CEP120: variants seen among roughly 807,000 people sequenced by gnomAD.
The protein encoded by CEP120 is centrosomal protein 120.
A neutral mutation model predicts 126.5 loss-of-function variants in CEP120; 113 were observed. The observed-to-expected ratio is 0.89, with a 90% CI of 0.77 to 1.04. The LOEUF (loss-of-function observed/expected upper bound fraction) is 1.04, where lower values mean the gene tolerates loss of function less well. CEP120 is among the 50% of genes least tolerant of loss of function. The pLI, the probability that CEP120 is intolerant of heterozygous loss-of-function variation, is 0.00. For synonymous variants in CEP120, 400 were observed against 394.3 expected, an observed-to-expected ratio of 1.01 and a Z score of -0.17; for missense variants, 1,230 against 1,155.7, an observed-to-expected ratio of 1.06 and a Z score of -0.93.
At chr5:123,347,050 T>C (rs757931363) in intron 19 of CEP120, among the ~76,000 whole-genome samples, 5 of 152,150 alleles carry the variant, frequency 3.3e-5, no homozygotes, top group Non-Finnish European at 5.9e-5. Context: ...ACAATAAAAA[T>C]CATCTGTAAT....
chr5:123,395,112 A>G (rs1772686628), intron 5 of CEP120, among the ~76,000 whole-genome samples: 1 of 152,240 alleles, frequency 6.6e-6, no homozygotes, highest in African/African-American at 2.4e-5. Flanking sequence ...TACAGCAATA[A>G]AAACATTAAG....
At chr5:123,419,544 A>G (rs1367194057) in intron 1 of CEP120, among the ~76,000 whole-genome samples, 3 of 119,408 alleles carry the variant, frequency 2.5e-5, no homozygotes, top group Admixed American at 1.7e-4. Context: ...AAAAAAACAA[A>G]AACAAAAACA....
chr5:123,357,634 C>A (rs1172575951), intron 18 of CEP120, among the ~76,000 whole-genome samples: 1 of 152,088 alleles, frequency 6.6e-6, no homozygotes, highest in Non-Finnish European at 1.5e-5. Context: ...TGGTGACGTG[C>A]ACCTGTAGTC....
Position 123,393,508 on chromosome 5 carries a change from C to G in CEP120, c.613-11G>C, listed in dbSNP as rs1772543143. On this transcript the variant is annotated splice_polypyrimidine_tract_variant and intron_variant, in intron 5 of 19. Transcript: ENST00000306467. ...GGTACATGGAATTAACTAAACATTT[C>G]AGGAAAAAGAAAACAGTTATTACTT... 1 of 1,607,834 alleles carries G rather than the reference C, an allele frequency of 6.2e-7. No homozygotes were observed. Among genetic ancestry groups the G allele is most frequent in the Admixed American group, 1.7e-5 (1 of 59,852 alleles).
intron 11 of CEP120, among the ~76,000 whole-genome samples, chr5:123,384,275 A>G (rs1771868991): frequency 7.4e-6 from 1 of 135,388 alleles, no homozygotes; most frequent in Admixed American, 7.6e-5. Context: ...TAGAGCTAAA[A>G]TTTCACTGAG....
At chr5:123,406,758 G>C (rs186784437) in intron 4 of CEP120, among the ~76,000 whole-genome samples, 1 of 149,818 alleles carries the variant, frequency 6.7e-6, no homozygotes, top group East Asian at 2.0e-4. Context: ...AATGGCATGG[G>C]TAAGAAGCTC....
At chr5:123,359,423 G>A (rs904325022) in intron 18 of CEP120, among the ~76,000 whole-genome samples, 20 of 151,996 alleles carry the variant, frequency 1.3e-4, no homozygotes, top group African/African-American at 3.4e-4. Flanking sequence ...GTCAAGAAAC[G>A]TTTTTAAGTA....
chr5:123,403,035 C>T (rs952126048), intron 4 of CEP120, among the ~76,000 whole-genome samples: 2 of 152,188 alleles, frequency 1.3e-5, no homozygotes, highest in African/African-American at 4.8e-5. Context: ...TAAATTTGTT[C>T]TTTATAAATT....
intron 2 of CEP120, among the ~76,000 whole-genome samples, chr5:123,418,083 G>A (rs547771190): frequency 6.6e-5 from 10 of 151,866 alleles, no homozygotes; most frequent in Non-Finnish European, 1.3e-4. Context: ...TGCCACAAAC[G>A]GAAAATTCCA....
intron 3 of CEP120, among the ~76,000 whole-genome samples, chr5:123,415,619 A>T (rs999662644): frequency 2.0e-5 from 3 of 152,208 alleles, no homozygotes; most frequent in Non-Finnish European, 4.4e-5. Flanking sequence ...CACACCTGTA[A>T]TCCCAGCACT....
intron 6 of CEP120, among the ~76,000 whole-genome samples, chr5:123,392,248 T>C (rs1281696627): frequency 1.3e-5 from 2 of 152,224 alleles, no homozygotes; most frequent in East Asian, 1.9e-4. Flanking sequence ...AGGACTGATA[T>C]GTTAGATACA....
chr5:123,362,516 C>T (rs1299642633), intron 18 of CEP120, among the ~76,000 whole-genome samples: 4 of 151,618 alleles, frequency 2.6e-5, no homozygotes, highest in African/African-American at 4.8e-5. Flanking sequence ...CGGTTTTTGC[C>T]GCTTTCACTT....
At chr5:123,419,938 T>C (rs1774616338) in intron 1 of CEP120, among the ~76,000 whole-genome samples, 1 of 152,194 alleles carries the variant, frequency 6.6e-6, no homozygotes, top group South Asian at 2.1e-4. Flanking sequence ...AGGTGGATCT[T>C]ATTGAGGGGA....
chr5:123,398,834 T>C (rs1772979143), intron 5 of CEP120, among the ~76,000 whole-genome samples: 1 of 152,176 alleles, frequency 6.6e-6, no homozygotes, highest in East Asian at 1.9e-4. Context: ...CGTTCACAAA[T>C]TTAAAAATCC....
chr5:123,422,332 A>C, intron 1 of CEP120: 1 of 615,080 alleles, frequency 1.6e-6, no homozygotes, highest in East Asian at 2.8e-5. Context: ...CATCCTGATG[A>C]ATTATTTGCT....
intron 17 of CEP120, among the ~76,000 whole-genome samples, chr5:123,366,505 C>T (rs776841568): frequency 2.7e-4 from 41 of 151,826 alleles, no homozygotes; most frequent in Non-Finnish European, 4.9e-4. Context: ...TCTTGATACA[C>T]CTACAATTCT....
Position 123,372,192 on chromosome 5 carries a change from C to T in CEP120, c.2481+458G>A, listed in dbSNP as rs147293306. 2.5e-3 allele frequency among the ~76,000 whole-genome samples: 384 copies of T among 152,112 alleles called. 4 individuals carry two copies. Among genetic ancestry groups the T allele is most frequent in the African/African-American group, 8.8e-3 (364 of 41,508 alleles). ...ACATTGAATCTACAGGGGTGATACA[C>T]GGAGAGAATATTCACAATGGCTACC... On this transcript the variant is annotated intron_variant, in intron 17 of 19. Coordinates refer to ENST00000306467, the MANE Select transcript of CEP120 (RefSeq NM_001375405.1).
At chr5:123,413,117 G>A (rs181017182) in intron 3 of CEP120, among the ~76,000 whole-genome samples, 53 of 151,374 alleles carry the variant, frequency 3.5e-4, no homozygotes, top group African/African-American at 1.2e-3. Flanking sequence ...CTAAAAATAC[G>A]AAAAATTAGC....
intron 1 of CEP120, among the ~76,000 whole-genome samples, chr5:123,422,248 A>C (rs1774763101): frequency 6.6e-6 from 1 of 152,138 alleles, no homozygotes; most frequent in Admixed American, 6.5e-5. Context: ...GTAGGACCCC[A>C]AAAAATGCCA....
Sources: allele counts gnomAD v4.1 joint callset (sites outside exome capture counted in the v4.1 genomes callset), GRCh38; gene constraint gnomAD v4.1.1; transcripts MANE v1.5; gene names NCBI Gene and HGNC (gene_info 2026-07-23, HGNC 2026-07-21).